TBC1D19: variants seen among roughly 807,000 people sequenced by gnomAD.
TBC1D19 encodes TBC1 domain family, member 19.
Under a neutral mutation model 89.0 loss-of-function variants are expected in TBC1D19, and 60 were observed. The ratio of observed to expected loss-of-function variants is 0.67; its 90% confidence interval spans 0.55 to 0.84. TBC1D19 has a LOEUF of 0.84. Ranked by LOEUF, TBC1D19 falls within the 40% of genes least tolerant of loss-of-function variation. The probability of loss-of-function intolerance (pLI) is 0.00; values close to 1 mark genes in which losing one functional copy is unlikely to be tolerated. For synonymous variants in TBC1D19, 189 were observed against 199.7 expected (o/e 0.95, Z 0.45); for missense variants, 500 against 610.8 (o/e 0.82, Z 1.91).
At chr4:26,733,704 C>G (rs1577997827) in intron 15 of TBC1D19, among the ~76,000 whole-genome samples, 1 of 152,290 alleles carries the variant, frequency 6.6e-6, no homozygotes, top group Middle Eastern at 3.4e-3. Context: ...ATCAGGAGAA[C>G]TAGAGAATGC....
intron 12 of TBC1D19, among the ~76,000 whole-genome samples, chr4:26,688,106 G>T (rs558910548): frequency 2.0e-5 from 3 of 152,198 alleles, no homozygotes; most frequent in African/African-American, 7.2e-5. Flanking sequence ...AGATAAAATT[G>T]AAATAAATAT....
chr4:26,731,189 G>C (rs532130549), intron 15 of TBC1D19, among the ~76,000 whole-genome samples: 4 of 152,172 alleles, frequency 2.6e-5, no homozygotes, highest in African/African-American at 9.7e-5. Flanking sequence ...AATTGCTTAG[G>C]GGGAGGGATC....
At chr4:26,623,817 A>G (rs1473377032) in intron 4 of TBC1D19, among the ~76,000 whole-genome samples, 3 of 151,978 alleles carry the variant, frequency 2.0e-5, no homozygotes, top group Admixed American at 1.3e-4. Flanking sequence ...GTTGCCTTTT[A>G]TTGTTTACTT....
chr4:26,739,721 A>C (rs2109312829), intron 16 of TBC1D19, 143 bp from the exon 17 acceptor site: 1 of 455,254 alleles, frequency 2.2e-6, no homozygotes. Flanking sequence ...CCCTCTCAAA[A>C]TGAAAAAAAG....
intron 18 of TBC1D19, among the ~76,000 whole-genome samples, chr4:26,747,925 A>C (rs952550628): frequency 2.6e-5 from 4 of 152,186 alleles, no homozygotes; most frequent in Admixed American, 2.6e-4. Flanking sequence ...TTTTGTCCTT[A>C]TACTCATACT....
chr4:26,753,142 G>A (rs916600185), intron 19 of TBC1D19, among the ~76,000 whole-genome samples: 1 of 152,126 alleles, frequency 6.6e-6, no homozygotes, highest in Non-Finnish European at 1.5e-5. Context: ...AGTCAGTGCT[G>A]TGTATAAAAA....
Position 26,641,784 on chromosome 4 carries a change from A to G in TBC1D19, c.480+1597A>G, listed in dbSNP as rs1285736456. The stretch of plus-strand genomic sequence containing the variant: ...GGCACGAGAACTATGTGATGCATGT[A>G]CAAGCTTCAGTAGCCGATTCGATCA... On this transcript the variant is annotated intron_variant, in intron 7 of 20. Transcript: ENST00000264866. Among the ~76,000 whole-genome samples, 101 of 152,226 alleles carry G rather than the reference A, an allele frequency of 6.6e-4. 1 individual carries two copies. Among genetic ancestry groups the G allele is most frequent in the Non-Finnish European group, 1.0e-4 (7 of 68,036 alleles).
chr4:26,816,529 G>C, the TBC1D19 span, among the ~76,000 whole-genome samples: 1 of 152,112 alleles, frequency 6.6e-6, no homozygotes, highest in African/African-American at 2.4e-5. Context: ...ATTTACAGTG[G>C]AAAAACCTGG....
At position 26,688,377 on chromosome 4, in the gene TBC1D19, T is replaced by C. The variant is rs1036981398; in HGVS notation, c.924T>C (p.Tyr308=). ...AGTTGACAGCAAGCAATGATGATTA[T>C]TATTTTGTATTTGAAGATTATTTAT... ...DVKLTASNDD[Y]YFVFEDYLYQ... Residue 308 remains tyrosine, a synonymous_variant, in exon 13 of 21, where the codon TAT becomes TAC. Coordinates refer to ENST00000264866, the MANE Select transcript of TBC1D19 (RefSeq NM_018317.4). 1 of 1,568,704 alleles carries C rather than the reference T, an allele frequency of 6.4e-7. No homozygotes were observed. The highest frequency in any genetic ancestry group is 1.4e-5 in the African/African-American group (1 of 73,866).
chr4:26,746,902 T>C (rs1218183002), intron 18 of TBC1D19, among the ~76,000 whole-genome samples: 6 of 152,164 alleles, frequency 3.9e-5, no homozygotes, highest in Admixed American at 3.9e-4. Context: ...GTCAACCTGA[T>C]AACCAATGTG....
chr4:26,851,319 A>G, the TBC1D19 span, among the ~76,000 whole-genome samples: 33 of 147,506 alleles, frequency 2.2e-4, no homozygotes, highest in African/African-American at 8.1e-4. Context: ...CTATCTATCT[A>G]TCTATCTATC....
the TBC1D19 span, among the ~76,000 whole-genome samples, chr4:26,800,201 T>G: frequency 6.6e-6 from 1 of 152,186 alleles, no homozygotes; most frequent in Non-Finnish European, 1.5e-5. Context: ...TTCTCCTTCC[T>G]GTGTCCATGT....
At chr4:26,657,650 G>A (rs1202170426) in intron 7 of TBC1D19, among the ~76,000 whole-genome samples, 1 of 152,168 alleles carries the variant, frequency 6.6e-6, no homozygotes, top group Non-Finnish European at 1.5e-5. Flanking sequence ...AGATCCTTGA[G>A]GAATCGCCAC....
intron 14 of TBC1D19, 50 bp downstream of exon 14, chr4:26,718,067 C>G (rs747223422): frequency 1.2e-5 from 16 of 1,390,634 alleles, no homozygotes; most frequent in Non-Finnish European, 1.6e-5. Flanking sequence ...ATAATCATGC[C>G]AAGAATATTT....
chr4:26,661,253 A>G (rs1209739947), intron 8 of TBC1D19, among the ~76,000 whole-genome samples: 2 of 152,160 alleles, frequency 1.3e-5, no homozygotes, highest in East Asian at 1.9e-4. Flanking sequence ...GAAAACAGCA[A>G]TTAAGTGAAA....
At chr4:26,820,801 T>G in the TBC1D19 span, among the ~76,000 whole-genome samples, 1 of 152,204 alleles carries the variant, frequency 6.6e-6, no homozygotes, top group Non-Finnish European at 1.5e-5. Context: ...TCTGTTTACT[T>G]TTCACCATAG....
the TBC1D19 span, among the ~76,000 whole-genome samples, chr4:26,791,124 ACT>A: frequency 6.6e-6 from 1 of 151,958 alleles, no homozygotes; most frequent in Non-Finnish European, 1.5e-5. Flanking sequence ...CCCCAGAACA[ACT>A]GCTCTAAAAC....
intron 11 of TBC1D19, 26 bp from the exon 12 acceptor site, chr4:26,683,648 AT>A: frequency 1.9e-6 from 3 of 1,578,834 alleles, no homozygotes; most frequent in South Asian, 1.1e-5. Context: ...TTGACCTTTA[AT>A]TTTTTTGTTT....
chr4:26,845,498 T>A, the TBC1D19 span, among the ~76,000 whole-genome samples: 1 of 152,208 alleles, frequency 6.6e-6, no homozygotes, highest in African/African-American at 2.4e-5. Flanking sequence ...TTTTTCATCA[T>A]CCCAAACTGA....
Sources: allele counts gnomAD v4.1 joint callset (sites outside exome capture counted in the v4.1 genomes callset), GRCh38; gene constraint gnomAD v4.1.1; transcripts MANE v1.5; gene names NCBI Gene and HGNC (gene_info 2026-07-23, HGNC 2026-07-21).